C9: variants seen among roughly 807,000 people sequenced by gnomAD.
C9 encodes complement component C9.
A neutral mutation model predicts 65.4 loss-of-function variants in C9; 63 were observed. The ratio of observed to expected loss-of-function variants is 0.96; its 90% confidence interval spans 0.79 to 1.19. The LOEUF is 1.19. Ranked by LOEUF, C9 falls within the 50% of genes most tolerant of loss-of-function variation. C9 has a pLI of 0.00. For synonymous variants in C9, 229 were observed against 227.9 expected (o/e 1.00, Z -0.04); for missense variants, 744 against 670.1 (o/e 1.11, Z -1.22).
chr5:39,298,616 A>T (rs1395750930), intron 9 of C9, among the ~76,000 whole-genome samples: 1 of 151,656 alleles, frequency 6.6e-6, no homozygotes, highest in East Asian at 1.9e-4. Context: ...TTAGAGTTAA[A>T]TTTTTTTCTA....
intron 5 of C9, among the ~76,000 whole-genome samples, chr5:39,331,457 A>G (rs1348038626): frequency 6.6e-6 from 1 of 152,146 alleles, no homozygotes; most frequent in African/African-American, 2.4e-5. Context: ...GAGTCTAGGT[A>G]TTTGCCACAT....
chr5:39,331,694 C>T lies in C9; in HGVS notation c.597G>A (p.Val199=), dbSNP rs1443310436. ...GACTTACTTCATAGATCAAAGAAGC[C>T]ACGTTCCAAGGTCTTCGGTAGTATG... is the stretch of plus-strand genomic sequence containing the variant. ...TLTYYRRPWN[V]ASLIYETKGE... Residue 199 remains valine, a synonymous_variant, in exon 5 of 11, where the codon GTG becomes GTA. Coordinates refer to ENST00000263408, the MANE Select transcript of C9 (RefSeq NM_001737.5). The T allele has an allele frequency of 1.2e-6, 2 of 1,613,900 alleles. No homozygotes were observed. Among genetic ancestry groups the T allele is most frequent in the African/African-American group, 1.3e-5 (1 of 74,916 alleles).
intron 8 of C9, 147 bp from the exon 9 acceptor site, chr5:39,306,939 T>C (rs1157486743): frequency 1.6e-6 from 1 of 620,398 alleles, no homozygotes; most frequent in Non-Finnish European, 2.8e-6. Flanking sequence ...AAATATTGCT[T>C]ATGCATTTTT....
At chr5:39,288,098 C>T (rs1053364595) in intron 10 of C9, among the ~76,000 whole-genome samples, 7 of 151,736 alleles carry the variant, frequency 4.6e-5, no homozygotes, top group Non-Finnish European at 1.0e-4. Context: ...TAGTGAATAT[C>T]ATTTATATAA....
At chr5:39,346,709 A>G (rs1342413122) in intron 1 of C9, among the ~76,000 whole-genome samples, 1 of 152,224 alleles carries the variant, frequency 6.6e-6, no homozygotes, top group Non-Finnish European at 1.5e-5. Context: ...TCTGGCAAAG[A>G]CACAACAAAA....
At chr5:39,357,396 T>C (rs1186629475) in intron 1 of C9, among the ~76,000 whole-genome samples, 1 of 152,182 alleles carries the variant, frequency 6.6e-6, no homozygotes, top group Non-Finnish European at 1.5e-5. Context: ...TTTCCTGATT[T>C]CTCAAGTCTT....
chr5:39,328,825 A>G (rs1753797393), intron 5 of C9, among the ~76,000 whole-genome samples: 1 of 152,166 alleles, frequency 6.6e-6, no homozygotes, highest in South Asian at 2.1e-4. Flanking sequence ...TCTGGTAAAG[A>G]CAAAGCCAAG....
chr5:39,289,788 G>A (rs1753055528), intron 9 of C9, among the ~76,000 whole-genome samples: 1 of 151,744 alleles, frequency 6.6e-6, no homozygotes, highest in Admixed American at 6.6e-5. Context: ...TGAACTAAAG[G>A]CATATGTAAA....
chr5:39,288,270 C>T (rs1014069841), intron 10 of C9, among the ~76,000 whole-genome samples: 3 of 151,198 alleles, frequency 2.0e-5, no homozygotes, highest in East Asian at 1.9e-4. Flanking sequence ...TTTTGGGGGG[C>T]GGGGATGTGG....
At position 39,358,128 on chromosome 5, in the gene C9, G is replaced by A. The variant is rs537275286; in HGVS notation, c.77+6260C>T. ...CCTATGTGGGAGGTCCATGAGAACCGCTCAGCTGAGCCCAGGCAACCCCTG... is the reference window on the plus strand; with the variant it reads ...CCTATGTGGGAGGTCCATGAGAACCACTCAGCTGAGCCCAGGCAACCCCTG... On this transcript the variant is annotated intron_variant, in intron 1 of 10. Transcript: ENST00000263408. Among the ~76,000 whole-genome samples the A allele has an allele frequency of 1.3e-4, 20 of 152,182 alleles. 1 individual carries two copies. Among genetic ancestry groups the A allele is most frequent in the African/African-American group, 3.1e-4 (13 of 41,504 alleles).
In C9 at chr5:39,288,722, C is replaced by A. The variant is rs768266758; in HGVS notation, c.1645+1G>T. 6.3e-7 allele frequency: 1 copy of A among 1,577,150 alleles called. No individual in the cohort carries two copies. On this transcript the variant is annotated splice_donor_variant, in intron 10 of 10. Coordinates refer to ENST00000263408, the MANE Select transcript of C9 (RefSeq NM_001737.5). LOFTEE classifies it high-confidence loss of function. The stretch of plus-strand genomic sequence containing the variant: ...AATCACATCAAATAAATTGTCCTCA[C>A]CTTCAGAAATTTTTTGTTTACTGAT...
Position 39,358,933 on chromosome 5 carries a change from C to T in C9, c.77+5455G>A, listed in dbSNP as rs958324110. Reference sequence around the variant, plus strand: ...CCGGGAGGCGGAGCTTACAGGGAGCCGAGATCGCGCCACTGCACTCCAGCC... The same window carrying T: ...CCGGGAGGCGGAGCTTACAGGGAGCTGAGATCGCGCCACTGCACTCCAGCC... On this transcript the variant is annotated intron_variant, in intron 1 of 10. Transcript: ENST00000263408. Among the ~76,000 whole-genome samples, 20 of 150,122 alleles carry T rather than the reference C, an allele frequency of 1.3e-4. No homozygotes were observed. In the East Asian group the frequency reaches 3.6e-3, roughly 27 times the overall value.
At chr5:39,350,322 G>A (rs1483302393) in intron 1 of C9, among the ~76,000 whole-genome samples, 1 of 152,150 alleles carries the variant, frequency 6.6e-6, no homozygotes, top group Non-Finnish European at 1.5e-5. Context: ...TTCAACGTGG[G>A]AGATGAGTGG....
chr5:39,311,265 G>T lies in C9; in HGVS notation c.983C>A (p.Thr328Asn), dbSNP rs1248035054. 6 of 1,613,788 alleles carry T rather than the reference G, an allele frequency of 3.7e-6. No individual in the cohort carries two copies. The highest frequency in any genetic ancestry group is 4.2e-6 in the Non-Finnish European group (5 of 1,179,800). The change falls in exon 7 of 11, where the codon ACT becomes AAT. Residue 328 changes from threonine (T) to asparagine (N), a missense_variant. Coordinates refer to ENST00000263408, the MANE Select transcript of C9 (RefSeq NM_001737.5). The part of the protein sequence containing the change: ...TFVDDIKALP[T>N]TYEKGEYFAF... ...AAAATATTCTCCCTTTTCATAGGTA[G>T]TTGGCAAAGCTTTTATATCATCCAC...
chr5:39,290,242 GA>G (rs1175695660), intron 9 of C9, among the ~76,000 whole-genome samples: 1 of 151,734 alleles, frequency 6.6e-6, no homozygotes, highest in Non-Finnish European at 1.5e-5. Flanking sequence ...GATGATCATA[GA>G]AAAAAATTAA....
intron 5 of C9, among the ~76,000 whole-genome samples, chr5:39,324,705 C>T (rs879624186): frequency 7.9e-5 from 12 of 152,096 alleles, no homozygotes; most frequent in Non-Finnish European, 1.0e-4. Context: ...GAAGTCTAGG[C>T]TCAATGTTAA....
intron 1 of C9, among the ~76,000 whole-genome samples, chr5:39,351,324 T>C (rs903116227): frequency 2.6e-5 from 4 of 152,214 alleles, no homozygotes; most frequent in African/African-American, 4.8e-5. Flanking sequence ...TGGAGGCATT[T>C]TCCCCTTTGT....
chr5:39,288,423 G>C (rs1030755270), intron 10 of C9, among the ~76,000 whole-genome samples: 1 of 151,624 alleles, frequency 6.6e-6, no homozygotes. Flanking sequence ...ATTCTATATA[G>C]TGAATACCTG....
At chr5:39,303,185 G>A (rs912645959) in intron 9 of C9, among the ~76,000 whole-genome samples, 1 of 152,160 alleles carries the variant, frequency 6.6e-6, no homozygotes, top group African/African-American at 2.4e-5. Context: ...AAAACAAAGT[G>A]CAGCTATTCT....
Sources: gnomAD v4.1 joint callset for allele counts (sites outside exome capture counted in the v4.1 genomes callset) on GRCh38, gnomAD v4.1.1 for gene constraint, MANE v1.5 for transcripts, NCBI Gene and HGNC (gene_info 2026-07-23, HGNC 2026-07-21) for gene names.